The following GABRA5 variants were observed in gnomAD, a reference collection of about 807,000 sequenced individuals.
GABRA5 encodes the protein gamma-aminobutyric acid type A receptor subunit alpha5.
GABRA5 carries 18 observed loss-of-function variants against 47.3 expected under a neutral mutation model. The observed-to-expected ratio is 0.38, with a 90% confidence interval of 0.26 to 0.56. The LOEUF (loss-of-function observed/expected upper bound fraction) is 0.56, where lower values mean the gene tolerates loss of function less well. Among genes scored for constraint, GABRA5 ranks in the 20% least tolerant of loss-of-function variants. The probability of loss-of-function intolerance (pLI) is 0.71; values close to 1 mark genes in which losing one functional copy is unlikely to be tolerated. For synonymous variants in GABRA5, 237 were observed against 229.3 expected (o/e 1.03, Z -0.30); for missense variants, 365 against 599.3 (o/e 0.61, Z 4.08).
At position 26,880,536 on chromosome 15, in the gene GABRA5, C is replaced by T. The variant is rs193126712; in HGVS notation, c.87-310C>T. 13 of 212,926 alleles carry T rather than the reference C, an allele frequency of 6.1e-5. No individual in the cohort carries two copies. In the East Asian group the frequency reaches 6.6e-4, roughly 11 times the overall value. 13.2% of individuals were successfully genotyped at this position (212,926 alleles called of 1,614,324 possible). A position where few individuals can be genotyped will look rare whatever the true frequency, so the allele number is the denominator to read the frequency against. On this transcript the variant is annotated intron_variant, in intron 3 of 10. Transcript: ENST00000335625. The stretch of plus-strand genomic sequence containing the variant: ...GTGGATTAGGCTCTGCCAGTCCATG[C>T]GCAATGGCTAATTGGTTGTTAAAAA...
chr15:26,899,261 C>T (rs1469117686), intron 6 of GABRA5, among the ~76,000 whole-genome samples: 2 of 152,084 alleles, frequency 1.3e-5, no homozygotes, highest in Non-Finnish European at 2.9e-5. Context: ...TTCAATTTTC[C>T]TTCTGTTACT....
intron 7 of GABRA5, among the ~76,000 whole-genome samples, chr15:26,916,789 CT>C (rs938120590): frequency 7.2e-5 from 11 of 151,786 alleles, no homozygotes; most frequent in African/African-American, 2.7e-4. Flanking sequence ...TTTTCATCTC[CT>C]TGGTTAAGTT....
intron 3 of GABRA5, among the ~76,000 whole-genome samples, chr15:26,871,547 G>A (rs1892472290): frequency 2.0e-5 from 3 of 152,110 alleles, no homozygotes; most frequent in Admixed American, 6.5e-5. Context: ...CCGACTAATT[G>A]CAGCAAATAT....
At chr15:26,896,901 G>T (rs1893206238) in intron 6 of GABRA5, among the ~76,000 whole-genome samples, 1 of 151,220 alleles carries the variant, frequency 6.6e-6, no homozygotes, top group Admixed American at 6.6e-5. Flanking sequence ...GTTTTATTAT[G>T]TGAATTTAAG....
intron 3 of GABRA5, among the ~76,000 whole-genome samples, chr15:26,869,662 A>C (rs958481201): frequency 4.6e-5 from 7 of 152,264 alleles, no homozygotes; most frequent in African/African-American, 1.7e-4. Flanking sequence ...ACATGCATGA[A>C]GGACAGTCAC....
rs182525267 is a variant in GABRA5, at chr15:26,903,752, T to C, written c.498-11051T>C. Among the ~76,000 whole-genome samples the C allele has an allele frequency of 1.9e-3, 284 of 152,332 alleles. 3 individuals are homozygous for C. The highest frequency in any genetic ancestry group is 5.6e-4 in the Non-Finnish European group (38 of 68,020). ...TATACTCATTGGCTGCATGTATGTC[T>C]TCTTTTGAAAAGTGTCTGTTCACAT... On this transcript the variant is annotated intron_variant, in intron 6 of 10. Transcript: ENST00000335625.
intron 10 of GABRA5, among the ~76,000 whole-genome samples, chr15:26,944,014 C>T (rs778443372): frequency 6.6e-5 from 10 of 152,206 alleles, no homozygotes; most frequent in Non-Finnish European, 1.3e-4. Flanking sequence ...GAATAACATT[C>T]GTGGACGGTA....
Position 26,869,182 on chromosome 15 carries a change from A to AC in GABRA5, c.-67_-66insC, listed in dbSNP as rs1299682728. 1 of 974,246 alleles carries AC rather than the reference A, an allele frequency of 1.0e-6. No individual in the cohort carries two copies. Among genetic ancestry groups the AC allele is most frequent in the African/African-American group, 1.6e-5 (1 of 62,570 alleles). The allele number at this position is 974,246 out of a possible 1,614,324, so 60.4% of individuals were successfully genotyped here. A position where few individuals can be genotyped will look rare whatever the true frequency, so the allele number is the denominator to read the frequency against. On this transcript the variant is annotated 5_prime_UTR_variant, in exon 3 of 11. Transcript: ENST00000335625. The stretch of plus-strand genomic sequence containing the variant: ...GCTTTGTGTGCTTTTCAGCTTCAAG[A>AC]ACAAGCTGGAGAAGGGAAGAGTTAT...
Position 26,886,018 on chromosome 15 carries a change from T to C in GABRA5, c.497+2461T>C, listed in dbSNP as rs185228777. On this transcript the variant is annotated intron_variant, in intron 6 of 10. Transcript: ENST00000335625. ...TGTACCATATATATGCAGTTTGCTG[T>C]TGTTGTTGTTGTTGTTGTTGAGATG... Among the ~76,000 whole-genome samples the C allele has an allele frequency of 2.8e-3, 420 of 151,638 alleles. 3 individuals are homozygous for C. Among genetic ancestry groups the C allele is most frequent in the African/African-American group, 9.6e-3 (399 of 41,410 alleles).
At chr15:26,894,310 G>A (rs1477919933) in intron 6 of GABRA5, among the ~76,000 whole-genome samples, 1 of 152,174 alleles carries the variant, frequency 6.6e-6, no homozygotes, top group African/African-American at 2.4e-5. Flanking sequence ...CTCCAGAGAG[G>A]CCGGTGTGCG....
At chr15:26,940,484 A>G (rs1369351107) in intron 9 of GABRA5, among the ~76,000 whole-genome samples, 3 of 152,060 alleles carry the variant, frequency 2.0e-5, no homozygotes, top group Non-Finnish European at 4.4e-5. Context: ...AGCATCCCTA[A>G]TCTGAAAATC....
intron 6 of GABRA5, among the ~76,000 whole-genome samples, chr15:26,897,298 C>T (rs917536899): frequency 2.0e-5 from 3 of 152,160 alleles, no homozygotes; most frequent in African/African-American, 7.2e-5. Context: ...TCCAATATAA[C>T]TGGATCCTTA....
chr15:26,881,408 TC>T (rs1193594948), intron 4 of GABRA5, among the ~76,000 whole-genome samples: 1 of 152,204 alleles, frequency 6.6e-6, no homozygotes, highest in Admixed American at 6.5e-5. Flanking sequence ...TGGAATGCAG[TC>T]ATCCTTTATA....
chr15:26,871,565 A>G (rs1892472722), intron 3 of GABRA5, among the ~76,000 whole-genome samples: 1 of 152,186 alleles, frequency 6.6e-6, no homozygotes, highest in Non-Finnish European at 1.5e-5. Flanking sequence ...TATGTGCGAT[A>G]CAGAAGTCGA....
intron 9 of GABRA5, among the ~76,000 whole-genome samples, chr15:26,940,549 T>C: frequency 7.8e-6 from 1 of 127,450 alleles, no homozygotes; most frequent in African/African-American, 4.8e-5. Context: ...GCCCAAAAAG[T>C]TTTGGATTCT....
intron 7 of GABRA5, among the ~76,000 whole-genome samples, chr15:26,932,306 G>T (rs766523825): frequency 4.6e-5 from 7 of 152,104 alleles, no homozygotes; most frequent in Admixed American, 1.3e-4. Context: ...AGTGGGCAAA[G>T]GACATGAACA....
At chr15:26,903,267 A>G (rs562417497) in intron 6 of GABRA5, among the ~76,000 whole-genome samples, 1 of 152,232 alleles carries the variant, frequency 6.6e-6, no homozygotes, top group South Asian at 2.1e-4. Flanking sequence ...AGCTCCATCC[A>G]TGTCCCCACA....
chr15:26,912,047 G>A (rs1893608004), intron 6 of GABRA5, among the ~76,000 whole-genome samples: 2 of 152,238 alleles, frequency 1.3e-5, no homozygotes, highest in East Asian at 1.9e-4. Context: ...CACTTGAAAC[G>A]CCCTCCCCTC....
At chr15:26,868,279 A>G (rs1819836226) in intron 1 of GABRA5, among the ~76,000 whole-genome samples, 1 of 151,660 alleles carries the variant, frequency 6.6e-6, no homozygotes, top group African/African-American at 2.4e-5. Context: ...CCAGGCGACC[A>G]CCGCATGGCA....
Sources: gnomAD v4.1 joint callset for allele counts (sites outside exome capture counted in the v4.1 genomes callset) on GRCh38, gnomAD v4.1.1 for gene constraint, MANE v1.5 for transcripts, NCBI Gene and HGNC (gene_info 2026-07-23, HGNC 2026-07-21) for gene names.